Variants in SYNE2 observed in about 807,000 individuals in gnomAD.
SYNE2 encodes spectrin repeat containing nuclear envelope protein 2.
Under a neutral mutation model 856.3 loss-of-function variants are expected in SYNE2, and 431 were observed. The observed-to-expected ratio is 0.50, with a 90% CI of 0.47 to 0.55. The LOEUF (loss-of-function observed/expected upper bound fraction) is 0.55, where lower values mean the gene tolerates loss of function less well. SYNE2 is among the 20% of genes least tolerant of loss of function. The pLI is 0.00. For synonymous variants in SYNE2, 2,923 were observed against 2,872.3 expected (o/e 1.02, Z -0.56); for missense variants, 8,129 against 8,023.2 (o/e 1.01, Z -0.50).
chr14:64,115,734 C>A (rs1410680668), intron 66 of SYNE2, among the ~76,000 whole-genome samples: 1 of 152,198 alleles, frequency 6.6e-6, no homozygotes, highest in Non-Finnish European at 1.5e-5. Flanking sequence ...ACAAAGGCAT[C>A]TTTGGCTCAT....
At chr14:64,189,107 G>A (rs1289691606) in intron 98 of SYNE2, 2 of 638,576 alleles carry the variant, frequency 3.1e-6, no homozygotes, top group Admixed American at 4.9e-5. Flanking sequence ...GCCAAGGCGG[G>A]TGGATCACCT....
rs370346657 is a variant in SYNE2, at chr14:63,875,708, T to C, written c.-52+22565T>C. 2.6e-5 allele frequency among the ~76,000 whole-genome samples: 4 copies of C among 152,328 alleles called. No homozygotes were observed. In the East Asian group the frequency reaches 7.7e-4, roughly 29 times the overall value. ...TCAGCCAGTCATGGGGGGAAATACCTTCACATATTAAACAATAACAAATAA... is the reference window on the plus strand; with the variant it reads ...TCAGCCAGTCATGGGGGGAAATACCCTCACATATTAAACAATAACAAATAA... On this transcript the variant is annotated intron_variant, in intron 1 of 115. Coordinates refer to ENST00000555002, the MANE Select transcript of SYNE2 (RefSeq NM_182914.3).
At chr14:64,182,655 A>T (rs1415678155) in intron 96 of SYNE2, among the ~76,000 whole-genome samples, 1 of 152,210 alleles carries the variant, frequency 6.6e-6, no homozygotes, top group Non-Finnish European at 1.5e-5. Flanking sequence ...CCCTTAATCC[A>T]TTTAATCCTG....
rs778964712 is a variant in SYNE2 at position 64,140,027 on chromosome 14, T to G, written c.14930T>G (p.Val4977Gly). ...LNYWKEQSLN[V>G]SQDLDTIRSN... ...TACTGGAAAGAACAGTCCCTCAATG[T>G]GTCTCAGGACTTGGATACAATCAGA... is the stretch of plus-strand genomic sequence containing the variant. The change falls in exon 80 of 116, where the codon GTG becomes GGG. Residue 4977 changes from valine to glycine, a missense_variant. Coordinates refer to ENST00000555002, the MANE Select transcript of SYNE2 (RefSeq NM_182914.3). 6.2e-7 allele frequency: 1 copy of G among 1,614,040 alleles called. No individual in the cohort carries two copies. The highest frequency in any genetic ancestry group is 1.7e-5 in the Admixed American group (1 of 60,024).
chr14:63,814,259 G>A (rs539332232), intron 1 of SYNE2, among the ~76,000 whole-genome samples: 108 of 151,326 alleles, frequency 7.1e-4, no homozygotes, highest in Middle Eastern at 3.4e-3. Flanking sequence ...CACAGAGCGA[G>A]GCTCTGTCTT....
chr14:64,168,460 A>G (rs1217979251), intron 92 of SYNE2, among the ~76,000 whole-genome samples: 2 of 152,250 alleles, frequency 1.3e-5, no homozygotes, highest in African/African-American at 4.8e-5. Context: ...TTGCTACATT[A>G]AGATCATCCA....
intron 60 of SYNE2, 76 bp from the exon 61 acceptor site, chr14:64,093,273 G>C (rs575846491): frequency 1.3e-6 from 2 of 1,558,134 alleles, no homozygotes; most frequent in South Asian, 2.3e-5. Context: ...ACTTCCATGG[G>C]GCTAGACAAT....
chr14:64,101,319 A>G (rs2097727551), intron 63 of SYNE2, among the ~76,000 whole-genome samples: 1 of 152,126 alleles, frequency 6.6e-6, no homozygotes, highest in Non-Finnish European at 1.5e-5. Context: ...AAGCCATTCT[A>G]ACAGGTGTAA....
chr14:64,115,889 C>T (rs1029200078), intron 66 of SYNE2, among the ~76,000 whole-genome samples: 1 of 152,088 alleles, frequency 6.6e-6, no homozygotes, highest in Non-Finnish European at 1.5e-5. Context: ...AGTGGTGGCT[C>T]ACGCCTGTAA....
At chr14:63,784,962 G>A (rs1459638358) in intron 1 of SYNE2, among the ~76,000 whole-genome samples, 2 of 142,702 alleles carry the variant, frequency 1.4e-5, no homozygotes, top group African/African-American at 2.5e-5. Flanking sequence ...TTGGGGGGGT[G>A]AGGGGTGTTG....
Position 64,225,348 on chromosome 14 carries a change from C to T in SYNE2, c.20546C>T (p.Ser6849Phe), listed in dbSNP as rs1157986422. The T allele has an allele frequency of 4.3e-6, 7 of 1,614,050 alleles. No individual in the cohort carries two copies. In the South Asian group the frequency reaches 5.5e-5, roughly 13 times the overall value. ...RVPGSTRPQR[S>F]FLSRVVRAAL... Reference sequence around the variant, plus strand: ...CCCGGCAGCACACGGCCACAGCGCTCCTTCCTCTCAAGGGTGGTCCGGGCA... The same window carrying T: ...CCCGGCAGCACACGGCCACAGCGCTTCTTCCTCTCAAGGGTGGTCCGGGCA... Residue 6849 changes from serine to phenylalanine, a missense_variant, in exon 116 of 116, where the codon TCC becomes TTC. Physicochemically the swap from Ser to Phe is radical, Grantham distance 155. Coordinates refer to ENST00000555002, the MANE Select transcript of SYNE2 (RefSeq NM_182914.3).
At chr14:64,118,804 T>C (rs909040935) in intron 66 of SYNE2, among the ~76,000 whole-genome samples, 9 of 142,154 alleles carry the variant, frequency 6.3e-5, no homozygotes, top group Admixed American at 3.0e-4. Flanking sequence ...GAGGTTGCAG[T>C]GAGCCGAGAT....
At chr14:63,833,158 A>G (rs1595156056) in intron 1 of SYNE2, among the ~76,000 whole-genome samples, 2 of 152,060 alleles carry the variant, frequency 1.3e-5, no homozygotes, top group South Asian at 2.1e-4. Context: ...GCAGTGCACT[A>G]TGATCATGCC....
intron 108 of SYNE2, among the ~76,000 whole-genome samples, chr14:64,217,595 A>G (rs1392178058): frequency 2.0e-5 from 3 of 152,218 alleles, no homozygotes; most frequent in Non-Finnish European, 4.4e-5. Flanking sequence ...GAAAGACCGC[A>G]GTCCCTGACC....
At chr14:63,894,883 G>C (rs2095219050) in intron 1 of SYNE2, among the ~76,000 whole-genome samples, 1 of 152,136 alleles carries the variant, frequency 6.6e-6, no homozygotes, top group Admixed American at 6.5e-5. Flanking sequence ...GGCTATTGGT[G>C]ATACACGTTT....
At position 64,065,551 on chromosome 14, in the gene SYNE2, G is replaced by C. The variant is rs1200933436; in HGVS notation, c.10332G>C (p.Ser3444=). ...GCATATGTTTGCTCAAGATTGTGTC[G>C]GCTCTGTGGGAGAAATGGCTGAGTT... ...NDGICLLKIV[S]ALWEKWLSLL... The change falls in exon 51 of 116, where the codon TCG becomes TCC. Residue 3444 remains serine (S), a synonymous_variant. Coordinates refer to ENST00000555002, the MANE Select transcript of SYNE2 (RefSeq NM_182914.3). 3 of 1,614,108 alleles carry C rather than the reference G, an allele frequency of 1.9e-6. No homozygotes were observed. Among genetic ancestry groups the C allele is most frequent in the Non-Finnish European group, 2.5e-6 (3 of 1,180,020 alleles).
Position 64,051,693 on chromosome 14 carries a change from A to C in SYNE2, c.7780A>C (p.Lys2594Gln). ...AAACCACGTGACTGACATGGATAAG[A>C]AATTGTTGGAAAGCCAGATTAAGCA... ...LSNHVTDMDK[K>Q]LLESQIKQLE... Residue 2594 changes from lysine to glutamine, a missense_variant, in exon 48 of 116, where the codon AAA (lysine) becomes CAA (glutamine). By Grantham distance (53) the Lys-to-Gln change is moderately conservative. This residue lies in a region of SYNE2 where 5,410 missense variants were observed against 5,284.8 expected (regional missense o/e 1.02). Transcript: ENST00000555002. 6.2e-7 allele frequency: 1 copy of C among 1,614,236 alleles called. No homozygotes were observed. Among genetic ancestry groups the C allele is most frequent in the Non-Finnish European group, 8.5e-7 (1 of 1,180,040 alleles).
At chr14:64,131,979 G>T (rs2098026647) in intron 76 of SYNE2, among the ~76,000 whole-genome samples, 1 of 151,796 alleles carries the variant, frequency 6.6e-6, no homozygotes. Context: ...TGTCACCTAG[G>T]CTGGAGTCCA....
intron 62 of SYNE2, chr14:64,098,412 C>T: frequency 6.7e-6 from 4 of 594,492 alleles, no homozygotes; most frequent in Non-Finnish European, 1.2e-5. Flanking sequence ...ATCAAGCCTC[C>T]CTTTGAAGTA....
Sources: allele counts gnomAD v4.1 joint callset (sites outside exome capture counted in the v4.1 genomes callset), GRCh38; gene constraint gnomAD v4.1.1; regional missense constraint gnomAD v4.1.1; transcripts MANE v1.5; gene names NCBI Gene and HGNC (gene_info 2026-07-23, HGNC 2026-07-21).